Variants in TMC2 observed in about 807,000 individuals in gnomAD.
TMC2 encodes transmembrane channel like 2.
In TMC2, 102 loss-of-function variants were observed where a neutral mutation model predicts 105.9. That is an observed-to-expected ratio of 0.96 (90% CI 0.82 to 1.14). The LOEUF (loss-of-function observed/expected upper bound fraction) is 1.14. Ranked by LOEUF, TMC2 falls within the 50% of genes most tolerant of loss-of-function variation. The pLI, the probability that TMC2 is intolerant of heterozygous loss-of-function variation, is 0.00. For synonymous variants in TMC2, 402 were observed against 422.8 expected (o/e 0.95, Z 0.60); for missense variants, 1,093 against 1,134.3 (o/e 0.96, Z 0.52).
At chr20:2,537,008 G>A (rs932238207) in intron 1 of TMC2, among the ~76,000 whole-genome samples, 1 of 152,146 alleles carries the variant, frequency 6.6e-6, no homozygotes, top group African/African-American at 2.4e-5. Context: ...TGCCTGTTCC[G>A]AGCAAGCCCC....
At chr20:2,637,714 T>G in intron 19 of TMC2, 123 bp downstream of exon 19, 1 of 707,068 alleles carries the variant, frequency 1.4e-6, no homozygotes, top group Non-Finnish European at 2.4e-6. Flanking sequence ...AATTATTAGC[T>G]TATGAAGTTG....
intron 2 of TMC2, among the ~76,000 whole-genome samples, chr20:2,543,852 C>A (rs146773525): frequency 0.013 from 1,959 of 151,662 alleles, 20 homozygotes; most frequent in Non-Finnish European, 0.021. Flanking sequence ...TGTCTGTTAA[C>A]AGTTGTTTCA....
rs974908378 is a variant in TMC2 at position 2,573,815 on chromosome 20, C to T, written c.645+1546C>T. Among the ~76,000 whole-genome samples, 3 of 152,096 alleles carry T rather than the reference C, an allele frequency of 2.0e-5. No individual in the cohort carries two copies. The East Asian group carries it at 5.8e-4, about 29-fold the overall frequency. ...GACCTCGTGATCCGCCCGCCTCGGC[C>T]TCCCAAAGTGCTGGGATTACAGGCG... On this transcript the variant is annotated intron_variant, in intron 5 of 19. Transcript: ENST00000358864.
At chr20:2,591,260 A>G (rs1229293777) in intron 7 of TMC2, among the ~76,000 whole-genome samples, 8 of 152,222 alleles carry the variant, frequency 5.3e-5, no homozygotes, top group Non-Finnish European at 1.2e-4. Context: ...ATTTGGGGAA[A>G]TACCTTATGA....
chr20:2,610,398 T>C (rs1353345174), intron 11 of TMC2, 21 bp from the exon 12 acceptor site: 1 of 1,597,448 alleles, frequency 6.3e-7, no homozygotes, highest in Non-Finnish European at 8.5e-7. Flanking sequence ...TGACACAACG[T>C]AGGCTTTCCT....
rs528453606 is a variant in TMC2 at position 2,553,257 on chromosome 20, G to A, written c.83-5199G>A. ...TTTTGTAGCAATTCTTCATCAGGTTGAGGAATTATCCCCTAGTTTGCTGAG... is the reference window on the plus strand; with the variant it reads ...TTTTGTAGCAATTCTTCATCAGGTTAAGGAATTATCCCCTAGTTTGCTGAG... On this transcript the variant is annotated intron_variant, in intron 2 of 19. Transcript: ENST00000358864. 2.8e-5 allele frequency among the ~76,000 whole-genome samples: 4 copies of A among 145,354 alleles called. No homozygotes were observed. The East Asian group carries it at 7.9e-4, about 29-fold the overall frequency.
chr20:2,601,097 T>C (rs2086348895), intron 10 of TMC2, among the ~76,000 whole-genome samples: 1 of 152,018 alleles, frequency 6.6e-6, no homozygotes, highest in African/African-American at 2.4e-5. Flanking sequence ...ACAAGACCAT[T>C]ACACCAAAAG....
At chr20:2,543,458 G>A (rs1341681324) in intron 2 of TMC2, among the ~76,000 whole-genome samples, 1 of 152,180 alleles carries the variant, frequency 6.6e-6, no homozygotes, top group Non-Finnish European at 1.5e-5. Flanking sequence ...GAATGAGACT[G>A]GGTGAGAATC....
chr20:2,562,423 T>C (rs760716727), intron 4 of TMC2, among the ~76,000 whole-genome samples: 1 of 152,218 alleles, frequency 6.6e-6, no homozygotes, highest in Non-Finnish European at 1.5e-5. Context: ...GTGTACACAC[T>C]CTCGCTTGCG....
chr20:2,616,097 T>TTTTTTCTC lies in TMC2; in HGVS notation c.1873-38_1873-31dup, dbSNP rs768137006. ...GGCTGAATTCACCAAACGTGCTTTT[T>TTTTTTCTC]TTTTTCTCTCTCTCTCTCGCTCCCT... On this transcript the variant is annotated intron_variant, in intron 14 of 19. Coordinates refer to ENST00000358864, the MANE Select transcript of TMC2 (RefSeq NM_080751.3). This position sits in a 1 kb window ranked among gnomAD's most constrained non-coding sequence, Gnocchi z 4.8. 1 of 1,568,246 alleles carries TTTTTTCTC rather than the reference T, an allele frequency of 6.4e-7. No individual in the cohort carries two copies. The highest frequency in any genetic ancestry group is 8.8e-7 in the Non-Finnish European group (1 of 1,141,242).
chr20:2,553,797 T>C (rs2085970665), intron 2 of TMC2, among the ~76,000 whole-genome samples: 1 of 152,214 alleles, frequency 6.6e-6, no homozygotes. Flanking sequence ...TTTGGTAGAT[T>C]GTGTTTTTCC....
At position 2,538,183 on chromosome 20, in the gene TMC2, C is replaced by T. The variant is rs545039356; in HGVS notation, c.82+867C>T. On this transcript the variant is annotated intron_variant, in intron 2 of 19. Coordinates refer to ENST00000358864, the MANE Select transcript of TMC2 (RefSeq NM_080751.3). ...CTGTGACCCGCTGCTGTCTGGTTGT[C>T]GGGAGCCTGAGCTTCAGTGAGGCCG... is the stretch of plus-strand genomic sequence containing the variant. Among the ~76,000 whole-genome samples, 139 of 151,998 alleles carry T rather than the reference C, an allele frequency of 9.1e-4. 1 individual carries two copies. Among genetic ancestry groups the T allele is most frequent in the African/African-American group, 3.2e-3 (133 of 41,506 alleles).
In TMC2 at chr20:2,558,304, A is replaced by G. The variant is rs2085996985; in HGVS notation, c.83-152A>G. 8.3e-6 allele frequency: 12 copies of G among 1,445,692 alleles called. No homozygotes were observed. In the South Asian group the frequency reaches 1.6e-4, roughly 20 times the overall value. 89.6% of individuals were successfully genotyped at this position (1,445,692 alleles called of 1,614,324 possible). On this transcript the variant is annotated intron_variant, in intron 2 of 19. Transcript: ENST00000358864. The surrounding 1 kb of genome is among the most constrained non-coding windows in gnomAD (Gnocchi z 4.6). Reference sequence around the variant, plus strand: ...TTCAGCTTAAAATACTCAACATGCCAAGGTGCCATACTTTGGGGTGTCCTG... The same window carrying G: ...TTCAGCTTAAAATACTCAACATGCCGAGGTGCCATACTTTGGGGTGTCCTG...
chr20:2,587,019 A>G (rs1220199972), intron 7 of TMC2, among the ~76,000 whole-genome samples: 1 of 152,106 alleles, frequency 6.6e-6, no homozygotes, highest in Admixed American at 6.5e-5. Flanking sequence ...CATAGTGTAT[A>G]TTTTGTATGA....
intron 11 of TMC2, among the ~76,000 whole-genome samples, chr20:2,604,059 A>G (rs1474696107): frequency 4.6e-5 from 7 of 152,364 alleles, no homozygotes; most frequent in African/African-American, 1.7e-4. Flanking sequence ...AGACCAACAC[A>G]TCAACAGATG....
At chr20:2,542,440 C>T (rs147350115) in intron 2 of TMC2, among the ~76,000 whole-genome samples, 133 of 152,224 alleles carry the variant, frequency 8.7e-4, no homozygotes, top group South Asian at 5.0e-3. Context: ...AGTTATCTTC[C>T]AAGTATAGGA....
At chr20:2,636,116 C>T in intron 18 of TMC2, 112 bp downstream of exon 18, 1 of 831,314 alleles carries the variant, frequency 1.2e-6, no homozygotes, top group South Asian at 1.4e-5. Context: ...TCTTCTAAAC[C>T]AAATCCCAAA....
chr20:2,554,634 A>G (rs546348539), intron 2 of TMC2, among the ~76,000 whole-genome samples: 1 of 152,126 alleles, frequency 6.6e-6, no homozygotes, highest in Non-Finnish European at 1.5e-5. Context: ...GACCAGTTGT[A>G]TTTTCATTTA....
chr20:2,600,603 A>G (rs2086343140), intron 10 of TMC2, among the ~76,000 whole-genome samples: 2 of 152,154 alleles, frequency 1.3e-5, no homozygotes, highest in Admixed American at 6.5e-5. Flanking sequence ...CGGGCAGATC[A>G]CGAGGTCAAG....
Sources: allele counts gnomAD v4.1 joint callset (sites outside exome capture counted in the v4.1 genomes callset), GRCh38; gene constraint gnomAD v4.1.1; non-coding constraint Gnocchi (gnomAD v3.1); transcripts MANE v1.5; gene names NCBI Gene and HGNC (gene_info 2026-07-23, HGNC 2026-07-21).